Variants in SYT9 observed in about 807,000 individuals in gnomAD.
The protein encoded by SYT9 is synaptotagmin 9.
A neutral mutation model predicts 48.4 loss-of-function variants in SYT9; 22 were observed. The ratio of observed to expected loss-of-function variants is 0.45; its 90% confidence interval spans 0.32 to 0.65. The LOEUF is 0.65. Ranked by LOEUF, SYT9 falls within the 30% of genes least tolerant of loss-of-function variation. The probability of loss-of-function intolerance (pLI) is 0.03; values close to 1 mark genes in which losing one functional copy is unlikely to be tolerated. For synonymous variants in SYT9, 265 were observed against 245.0 expected (o/e 1.08, Z -0.76); for missense variants, 577 against 622.0 (o/e 0.93, Z 0.77).
chr11:7,329,122 G>C (rs1369230868), intron 3 of SYT9, among the ~76,000 whole-genome samples: 2 of 152,118 alleles, frequency 1.3e-5, no homozygotes, highest in Non-Finnish European at 1.5e-5. Flanking sequence ...TGATCTCTTT[G>C]CATATTGTCT....
intron 3 of SYT9, among the ~76,000 whole-genome samples, chr11:7,325,912 C>T (rs1417640405): frequency 5.8e-4 from 44 of 75,760 alleles, no homozygotes; most frequent in African/African-American, 2.5e-3. Flanking sequence ...TGCTGGATTA[C>T]ATTTATTGAT....
chr11:7,382,211 C>A (rs1850578652), intron 3 of SYT9, among the ~76,000 whole-genome samples: 1 of 152,226 alleles, frequency 6.6e-6, no homozygotes, highest in South Asian at 2.1e-4. Context: ...GGTCTCACTT[C>A]TCCTTTTGCC....
intron 1 of SYT9, among the ~76,000 whole-genome samples, chr11:7,256,688 G>T (rs1847976844): frequency 6.6e-6 from 1 of 152,276 alleles, no homozygotes; most frequent in Admixed American, 6.5e-5. Context: ...CACATTCTAT[G>T]TAGTTGTAAA....
intron 3 of SYT9, among the ~76,000 whole-genome samples, chr11:7,324,618 C>T (rs745312696): frequency 1.3e-5 from 2 of 151,756 alleles, no homozygotes; most frequent in Non-Finnish European, 2.9e-5. Flanking sequence ...ATCTAAGCAT[C>T]TTCTAGCATC....
At chr11:7,459,345 G>A (rs1848202782) in intron 6 of SYT9, among the ~76,000 whole-genome samples, 1 of 152,192 alleles carries the variant, frequency 6.6e-6, no homozygotes, top group African/African-American at 2.4e-5. Flanking sequence ...ATGGTAAAGA[G>A]AAGAGGTCCC....
chr11:7,332,575 G>C (rs190235363), intron 3 of SYT9, among the ~76,000 whole-genome samples: 31 of 152,230 alleles, frequency 2.0e-4, no homozygotes, highest in Admixed American at 8.5e-4. Context: ...AGAGAAGAGG[G>C]ATCCTCTTCC....
chr11:7,423,391 C>G (rs1207548036), intron 6 of SYT9, among the ~76,000 whole-genome samples: 3 of 152,182 alleles, frequency 2.0e-5, no homozygotes, highest in African/African-American at 4.8e-5. Context: ...AACAGGCAGA[C>G]TGGCCAGAAA....
chr11:7,373,166 A>G (rs147436278), intron 3 of SYT9, among the ~76,000 whole-genome samples: 9 of 151,936 alleles, frequency 5.9e-5, no homozygotes, highest in East Asian at 5.8e-4. Context: ...TTATATTCAC[A>G]TAAGAATTGA....
intron 3 of SYT9, among the ~76,000 whole-genome samples, chr11:7,376,257 TTCTC>T (rs986352987): frequency 4.0e-5 from 6 of 151,342 alleles, no homozygotes; most frequent in African/African-American, 1.2e-4. Context: ...CTGTTTCTCT[TTCTC>T]TCTCTCTCCC....
chr11:7,308,908 G>A (rs1849081124), intron 2 of SYT9, among the ~76,000 whole-genome samples: 1 of 152,190 alleles, frequency 6.6e-6, no homozygotes, highest in African/African-American at 2.4e-5. Flanking sequence ...GCTGGGACTA[G>A]TTAATTCACA....
At chr11:7,421,056 T>C (rs1847346144) in intron 6 of SYT9, among the ~76,000 whole-genome samples, 1 of 152,168 alleles carries the variant, frequency 6.6e-6, no homozygotes. Flanking sequence ...TCTGGGCAAG[T>C]GGGTTAGTAT....
intron 6 of SYT9, chr11:7,427,576 T>C (rs1228344474): frequency 6.6e-6 from 1 of 152,230 alleles, no homozygotes; most frequent in Non-Finnish European, 1.5e-5. Flanking sequence ...ACAAGGACTT[T>C]AGCCCACAAG....
At chr11:7,302,150 TG>T (rs1848932932) in intron 1 of SYT9, among the ~76,000 whole-genome samples, 1 of 152,188 alleles carries the variant, frequency 6.6e-6, no homozygotes, top group African/African-American at 2.4e-5. Context: ...TTTCAAATGA[TG>T]GGAATTTAAT....
At chr11:7,241,766 G>A (rs1298155788) in intron 1 of SYT9, among the ~76,000 whole-genome samples, 1 of 152,192 alleles carries the variant, frequency 6.6e-6, no homozygotes, top group Non-Finnish European at 1.5e-5. Context: ...TGTGGATTTG[G>A]TTTTCCTGCA....
At chr11:7,294,962 T>C (rs1363639276) in intron 1 of SYT9, among the ~76,000 whole-genome samples, 1 of 152,224 alleles carries the variant, frequency 6.6e-6, no homozygotes, top group Non-Finnish European at 1.5e-5. Context: ...CTTCCTTCGT[T>C]CCTTCTCTTT....
chr11:7,453,990 T>C (rs1328828753), intron 6 of SYT9: 14 of 985,352 alleles, frequency 1.4e-5, no homozygotes, highest in Non-Finnish European at 1.7e-5. Context: ...TGGTCTCCTC[T>C]TGTTTGACAG....
At chr11:7,394,223 G>A (rs1377080788) in intron 3 of SYT9, among the ~76,000 whole-genome samples, 9 of 145,182 alleles carry the variant, frequency 6.2e-5, no homozygotes, top group Non-Finnish European at 6.0e-5. Flanking sequence ...TTGGTTTTTT[G>A]TCCTTGTGAT....
intron 3 of SYT9, among the ~76,000 whole-genome samples, chr11:7,381,185 G>C (rs1850555965): frequency 1.3e-5 from 2 of 152,102 alleles, no homozygotes; most frequent in Non-Finnish European, 2.9e-5. Context: ...GAGCTTACCA[G>C]ATGTTGTGTC....
At chr11:7,313,351 G>A in intron 2 of SYT9, 44 bp from the exon 3 acceptor site, 2 of 1,542,648 alleles carry the variant, frequency 1.3e-6, no homozygotes, top group East Asian at 2.3e-5. Flanking sequence ...GAGACCCATA[G>A]CTAATAAGGT....
Sources: gnomAD v4.1 joint callset for allele counts (sites outside exome capture counted in the v4.1 genomes callset) on GRCh38, gnomAD v4.1.1 for gene constraint, MANE v1.5 for transcripts, NCBI Gene and HGNC (gene_info 2026-07-23, HGNC 2026-07-21) for gene names.